Variants in PCSK5 observed in about 807,000 individuals in gnomAD.
PCSK5 encodes the protein prohormone convertase 5.
PCSK5 carries 129 observed loss-of-function variants against 233.2 expected under a neutral mutation model. The ratio of observed to expected loss-of-function variants is 0.55; its 90% CI spans 0.48 to 0.64. The LOEUF (loss-of-function observed/expected upper bound fraction) is 0.64, where lower values mean the gene tolerates loss of function less well. Ranked by LOEUF, PCSK5 falls within the 30% of genes least tolerant of loss-of-function variation. PCSK5 has a pLI of 0.00. For synonymous variants in PCSK5, 825 were observed against 879.2 expected, an observed-to-expected ratio of 0.94 and a Z score of 1.09; for missense variants, 2,076 against 2,430.1, an observed-to-expected ratio of 0.85 and a Z score of 3.06.
chr9:76,241,674 A>G (rs1212878730), intron 24 of PCSK5, among the ~76,000 whole-genome samples: 2 of 152,194 alleles, frequency 1.3e-5, no homozygotes, highest in African/African-American at 4.8e-5. Flanking sequence ...GCACCATTGC[A>G]TTGGCGATAA....
intron 35 of PCSK5, among the ~76,000 whole-genome samples, chr9:76,338,764 A>T (rs1019529896): frequency 6.6e-6 from 1 of 151,618 alleles, no homozygotes; most frequent in African/African-American, 2.4e-5. Flanking sequence ...GTTTATTTTC[A>T]TTACTCCCAC....
At chr9:76,292,136 C>T (rs1828295587) in intron 24 of PCSK5, 97 bp from the exon 25 acceptor site, 2 of 749,456 alleles carry the variant, frequency 2.7e-6, no homozygotes, top group African/African-American at 3.5e-5. Context: ...GAAACTATCC[C>T]ACAGGATTGT....
intron 3 of PCSK5, among the ~76,000 whole-genome samples, chr9:76,008,429 A>T (rs1827576238): frequency 1.3e-5 from 2 of 151,816 alleles, no homozygotes; most frequent in Non-Finnish European, 2.9e-5. Context: ...TATTCTGGGT[A>T]GGAAGCAAAT....
At chr9:76,041,011 A>G (rs6560488) in intron 5 of PCSK5, among the ~76,000 whole-genome samples, 95,684 of 151,986 alleles carry the variant, frequency 0.63, 31,026 homozygotes, top group African/African-American at 0.77. Flanking sequence ...TTCCAAAAGC[A>G]TTTCATGGAA....
intron 24 of PCSK5, among the ~76,000 whole-genome samples, chr9:76,257,197 T>A (rs189914602): frequency 2.6e-5 from 4 of 152,276 alleles, no homozygotes; most frequent in Admixed American, 1.3e-4. Flanking sequence ...TGCCTGTTAT[T>A]ATCTGTCCTC....
At position 76,295,199 on chromosome 9, in the gene PCSK5, C is replaced by T. The variant is rs183905360; in HGVS notation, c.3186-76C>T. 1.3e-4 allele frequency: 165 copies of T among 1,315,444 alleles called. No homozygotes were observed. The East Asian group carries it at 3.4e-3, about 27-fold the overall frequency. 81.5% of individuals were successfully genotyped at this position (1,315,444 alleles called of 1,614,324 possible). ...AAACAAAAAACTCTGCATAGACATA[C>T]ATAAGGAGATTAAATTATGGTGAAG... On this transcript the variant is annotated intron_variant, in intron 25 of 37. Transcript: ENST00000674117.
intron 5 of PCSK5, among the ~76,000 whole-genome samples, chr9:76,052,061 G>T (rs11144731): frequency 0.15 from 22,845 of 152,070 alleles, 2,258 homozygotes; most frequent in East Asian, 0.35. Context: ...AAGCAGAAAA[G>T]GAACCAAAAA....
At chr9:76,332,743 A>C in intron 34 of PCSK5, 133 bp downstream of exon 34, 2 of 656,076 alleles carry the variant, frequency 3.0e-6, no homozygotes, top group South Asian at 3.9e-5. Context: ...GTAAGGAGCA[A>C]AGATGAACCA....
In PCSK5 at chr9:76,282,352, C is replaced by CTTT. The variant is rs34892445; in HGVS notation, c.3143-9870_3143-9868dup. Among the ~76,000 whole-genome samples the CTTT allele has an allele frequency of 3.9e-3, 515 of 131,090 alleles. 7 individuals are homozygous for CTTT. The highest frequency in any genetic ancestry group is 0.015 in the African/African-American group (484 of 33,376). The allele number at this position is 131,090 out of a possible 152,430, so 86.0% of individuals were successfully genotyped here. On this transcript the variant is annotated intron_variant, in intron 24 of 37. Coordinates refer to ENST00000674117, the MANE Select transcript of PCSK5 (RefSeq NM_001372043.1). ...TCTTTCTTTCTTCCTTTTCTTCTGT[C>CTTT]TTTTTTTTTTTTTCGAGACAGGGTT...
chr9:76,218,103 C>T (rs1825603022), intron 20 of PCSK5, among the ~76,000 whole-genome samples: 1 of 151,444 alleles, frequency 6.6e-6, no homozygotes, highest in South Asian at 2.2e-4. Context: ...AAGTTCTGAA[C>T]CTGACTTGAT....
intron 1 of PCSK5, among the ~76,000 whole-genome samples, chr9:75,929,061 G>A (rs965577005): frequency 4.6e-5 from 7 of 151,966 alleles, no homozygotes; most frequent in East Asian, 3.9e-4. Flanking sequence ...TCAGCCTCCC[G>A]AGTAGCTGGG....
chr9:76,294,749 C>T (rs951986362), intron 25 of PCSK5, among the ~76,000 whole-genome samples: 2 of 152,092 alleles, frequency 1.3e-5, no homozygotes, highest in African/African-American at 4.8e-5. Context: ...AGCCTTCTCC[C>T]AGCTGCCCTG....
At chr9:75,917,408 A>T (rs182345835) in intron 1 of PCSK5, among the ~76,000 whole-genome samples, 2 of 152,356 alleles carry the variant, frequency 1.3e-5, no homozygotes, top group Admixed American at 6.5e-5. Context: ...GGTGAGAGGT[A>T]GCAAATCTAT....
intron 1 of PCSK5, among the ~76,000 whole-genome samples, chr9:75,919,934 G>A (rs1823173425): frequency 6.6e-6 from 1 of 152,142 alleles, no homozygotes; most frequent in Non-Finnish European, 1.5e-5. Flanking sequence ...TTGGGAAGCC[G>A]AGGTGGGTGG....
At chr9:76,255,294 T>TA (rs1035873044) in intron 24 of PCSK5, among the ~76,000 whole-genome samples, 3 of 151,468 alleles carry the variant, frequency 2.0e-5, no homozygotes, top group Non-Finnish European at 2.9e-5. Context: ...CTCAAAAAAA[T>TA]AAAAAAAATA....
At chr9:76,089,101 T>C (rs1831182601) in intron 7 of PCSK5, among the ~76,000 whole-genome samples, 1 of 152,122 alleles carries the variant, frequency 6.6e-6, no homozygotes. Context: ...AAGTCATTAG[T>C]AGTAAGTGTC....
At chr9:76,193,332 A>ACATGTACATTT in intron 20 of PCSK5, 1 of 1,612,234 alleles carries the variant, frequency 6.2e-7, no homozygotes, top group Non-Finnish European at 8.5e-7. Flanking sequence ...TTGCTGCAAA[A>ACATGTACATTT]CATGTACATT....
At chr9:76,238,847 GA>G (rs1359940083) in intron 22 of PCSK5, 111 bp from the exon 23 acceptor site, 34 of 751,538 alleles carry the variant, frequency 4.5e-5, no homozygotes, top group Non-Finnish European at 5.3e-5. Flanking sequence ...CATCCACTAG[GA>G]AAAAAAAGCA....
chr9:75,944,885 G>A (rs540612298), intron 2 of PCSK5, among the ~76,000 whole-genome samples: 3 of 152,180 alleles, frequency 2.0e-5, no homozygotes, highest in South Asian at 4.2e-4. Flanking sequence ...CTAGGCAGGC[G>A]GATCACCTGA....
Sources: allele counts gnomAD v4.1 joint callset (sites outside exome capture counted in the v4.1 genomes callset), GRCh38; gene constraint gnomAD v4.1.1; transcripts MANE v1.5; gene names NCBI Gene and HGNC (gene_info 2026-07-23, HGNC 2026-07-21).